UBE2W: variants seen among roughly 807,000 people sequenced by gnomAD.
UBE2W encodes ubiquitin-conjugating enzyme E2 W.
A neutral mutation model predicts 27.2 loss-of-function variants in UBE2W; 18 were observed. That is an observed-to-expected ratio of 0.66 (90% CI 0.46 to 0.98). The LOEUF is 0.98. UBE2W is among the 50% of genes least tolerant of loss of function. The pLI is 0.00. For synonymous variants in UBE2W, 53 were observed against 57.2 expected (o/e 0.93, Z 0.33); for missense variants, 90 against 180.2 (o/e 0.50, Z 2.87).
chr8:73,828,994 C>A (rs1333826598), intron 2 of UBE2W, among the ~76,000 whole-genome samples: 2 of 151,956 alleles, frequency 1.3e-5, no homozygotes, highest in Non-Finnish European at 2.9e-5. Context: ...TATTTTATAG[C>A]CTAGAAGATG....
At chr8:73,803,079 T>C (rs745577849) in intron 5 of UBE2W, among the ~76,000 whole-genome samples, 1 of 141,476 alleles carries the variant, frequency 7.1e-6, no homozygotes, top group Non-Finnish European at 1.5e-5. Flanking sequence ...CAGCTGGGCA[T>C]GGTGGCGCGC....
chr8:73,790,053 G>A lies in UBE2W; in HGVS notation c.*4049C>T. Reference sequence around the variant, plus strand: ...AGTAGTCAATTATTCAACAAATTTAGCCATCTACTGACAAACTGAAATTAG... The same window carrying A: ...AGTAGTCAATTATTCAACAAATTTAACCATCTACTGACAAACTGAAATTAG... On this transcript the variant is annotated 3_prime_UTR_variant, in exon 6 of 6. Coordinates refer to ENST00000602593, the MANE Select transcript of UBE2W (RefSeq NM_018299.6). 1 of 985,172 alleles carries A rather than the reference G, an allele frequency of 1.0e-6. No homozygotes were observed. Among genetic ancestry groups the A allele is most frequent in the Non-Finnish European group, 1.2e-6 (1 of 829,858 alleles). 61.0% of individuals were successfully genotyped at this position (985,172 alleles called of 1,614,324 possible).
chr8:73,780,866 C>A (rs2130824089), intron 4 of UBE2W, among the ~76,000 whole-genome samples: 1 of 152,226 alleles, frequency 6.6e-6, no homozygotes, highest in African/African-American at 2.4e-5. Context: ...TTCAAAAGTG[C>A]AATGATTTTC....
chr8:73,832,523 C>G (rs1810117889), intron 1 of UBE2W, among the ~76,000 whole-genome samples: 1 of 152,156 alleles, frequency 6.6e-6, no homozygotes, highest in Non-Finnish European at 1.5e-5. Context: ...GAATCGATTT[C>G]TTCCACACTG....
chr8:73,810,651 T>C, intron 3 of UBE2W, 22 bp from the exon 4 acceptor site: 1 of 1,517,672 alleles, frequency 6.6e-7, no homozygotes, highest in Non-Finnish European at 8.8e-7. Context: ...TAAAATTCCA[T>C]TAAAACTCAA....
intron 1 of UBE2W, among the ~76,000 whole-genome samples, chr8:73,832,219 T>C (rs1048697038): frequency 6.6e-6 from 1 of 151,940 alleles, no homozygotes; most frequent in African/African-American, 2.4e-5. Flanking sequence ...GAGGATCTTT[T>C]GAGCCCAGGA....
At chr8:73,810,120 T>C (rs41360248) in intron 4 of UBE2W, among the ~76,000 whole-genome samples, 8,660 of 152,216 alleles carry the variant, frequency 0.057, 811 homozygotes, top group African/African-American at 0.19. Context: ...GAAGCTATGA[T>C]GCACTTTTCT....
At chr8:73,784,967 A>G (rs564722414), downstream of UBE2W, among the ~76,000 whole-genome samples, 1 of 152,092 alleles carries the variant, frequency 6.6e-6, no homozygotes, top group Non-Finnish European at 1.5e-5. Flanking sequence ...AAATAACTTC[A>G]ATCTTACCCT....
At position 73,791,955 on chromosome 8, in the gene UBE2W, T is replaced by C. The variant is rs1808222308; in HGVS notation, c.*2147A>G. 2 of 985,158 alleles carry C rather than the reference T, an allele frequency of 2.0e-6. No homozygotes were observed. The highest frequency in any genetic ancestry group is 3.5e-5 in the African/African-American group (2 of 57,230). The allele number at this position is 985,158 out of a possible 1,614,324, so 61.0% of individuals were successfully genotyped here. A position where few individuals can be genotyped will look rare whatever the true frequency, so the allele number is the denominator to read the frequency against. On this transcript the variant is annotated 3_prime_UTR_variant, in exon 6 of 6. Transcript: ENST00000602593. ...ACTCTATAGTATAGCATTGTTAATC[T>C]TTGACTCAGTATATTAATTCCTTTG...
chr8:73,849,084 G>GA (rs953660246), intron 1 of UBE2W, among the ~76,000 whole-genome samples: 1 of 151,836 alleles, frequency 6.6e-6, no homozygotes, highest in African/African-American at 2.4e-5. Context: ...GTTAATTGTT[G>GA]AATCTACACA....
intron 1 of UBE2W, among the ~76,000 whole-genome samples, chr8:73,875,774 G>A (rs767579303): frequency 1.3e-5 from 2 of 152,038 alleles, no homozygotes; most frequent in South Asian, 4.1e-4. Context: ...ACTTGGCCGC[G>A]TGCAGTGGCT....
In UBE2W at chr8:73,819,274, G is replaced by C. The variant is rs561249548; in HGVS notation, c.210+5873C>G. ...ATATGTATTCTACTCGTTGCTTACT[G>C]TCTCTCCCCACAAGAATGCAAACTC... On this transcript the variant is annotated intron_variant, in intron 3 of 5. Coordinates refer to ENST00000602593, the MANE Select transcript of UBE2W (RefSeq NM_018299.6). Among the ~76,000 whole-genome samples the C allele has an allele frequency of 1.7e-4, 26 of 152,124 alleles. 1 individual carries two copies. The South Asian group carries it at 5.4e-3, about 32-fold the overall frequency.
intron 1 of UBE2W, among the ~76,000 whole-genome samples, chr8:73,853,637 CAAT>C (rs1044844233): frequency 1.3e-5 from 2 of 152,102 alleles, no homozygotes; most frequent in African/African-American, 4.8e-5. Context: ...GGATAAGTAA[CAAT>C]GTGTACCTTA....
intron 1 of UBE2W, among the ~76,000 whole-genome samples, chr8:73,839,666 C>A (rs1175135212): frequency 5.4e-5 from 8 of 149,356 alleles, no homozygotes; most frequent in East Asian, 2.0e-4. Context: ...CAAAAAAAAA[C>A]ACAAAAAACC....
chr8:73,825,044 T>C (rs1302784957), intron 3 of UBE2W, 103 bp downstream of exon 3: 7 of 656,160 alleles, frequency 1.1e-5, no homozygotes, highest in South Asian at 2.2e-5. Context: ...AACAAATCCA[T>C]CTACATACGT....
downstream of UBE2W, among the ~76,000 whole-genome samples, chr8:73,785,914 G>A (rs926089322): frequency 6.6e-6 from 1 of 152,152 alleles, no homozygotes; most frequent in East Asian, 1.9e-4. Context: ...ATGTTTCTTT[G>A]ATAATCAGAA....
downstream of UBE2W, chr8:73,786,070 T>C (rs1388729957): frequency 5.3e-6 from 2 of 379,202 alleles, no homozygotes; most frequent in Non-Finnish European, 7.2e-6. Context: ...ATTATCTGCT[T>C]AATGCTGGTT....
At chr8:73,798,166 C>T (rs997203775) in intron 5 of UBE2W, among the ~76,000 whole-genome samples, 1 of 151,974 alleles carries the variant, frequency 6.6e-6, no homozygotes, top group Admixed American at 6.6e-5. Flanking sequence ...CATGGTGGTA[C>T]GTTGTCTGTA....
At chr8:73,832,280 TAC>T (rs1351696320) in intron 1 of UBE2W, among the ~76,000 whole-genome samples, 6 of 151,940 alleles carry the variant, frequency 3.9e-5, no homozygotes, top group Non-Finnish European at 5.9e-5. Flanking sequence ...CAGCCTAAGT[TAC>T]AGAGTGAGAT....
Sources: gnomAD v4.1 joint callset for allele counts (sites outside exome capture counted in the v4.1 genomes callset) on GRCh38, gnomAD v4.1.1 for gene constraint, MANE v1.5 for transcripts, NCBI Gene and HGNC (gene_info 2026-07-23, HGNC 2026-07-21) for gene names.